NCOA6: variants seen among roughly 807,000 people sequenced by gnomAD.
NCOA6 encodes NRC RAP250.
Under a neutral mutation model 171.4 loss-of-function variants are expected in NCOA6, and 49 were observed. The observed-to-expected ratio is 0.29, with a 90% CI of 0.23 to 0.36. The LOEUF (loss-of-function observed/expected upper bound fraction) is 0.36, where lower values mean the gene tolerates loss of function less well. Ranked by LOEUF, NCOA6 falls within the 10% of genes least tolerant of loss-of-function variation. The pLI, the probability that NCOA6 is intolerant of heterozygous loss-of-function variation, is 1.00. For missense variants in NCOA6, 2,248 were observed against 2,554.5 expected (o/e 0.88, Z 2.59); for synonymous variants, 910 against 927.5 (o/e 0.98, Z 0.34).
chr20:34,753,585 G>T (rs1188740750), intron 8 of NCOA6, among the ~76,000 whole-genome samples: 2 of 151,904 alleles, frequency 1.3e-5, no homozygotes. Context: ...GCTTGAACCT[G>T]GGAGGTGGAG....
At chr20:34,779,508 T>C (rs1172628379) in intron 3 of NCOA6, among the ~76,000 whole-genome samples, 1 of 152,104 alleles carries the variant, frequency 6.6e-6, no homozygotes, top group Non-Finnish European at 1.5e-5. Flanking sequence ...GGTGAGACAC[T>C]GCCTCAAAAA....
At chr20:34,764,926 CA>C (rs1407711122) in intron 5 of NCOA6, among the ~76,000 whole-genome samples, 3 of 151,040 alleles carry the variant, frequency 2.0e-5, no homozygotes, top group African/African-American at 7.3e-5. Context: ...CCAGCCTGGC[CA>C]ACATGGTGAA....
intron 11 of NCOA6, chr20:34,738,768 T>C: frequency 2.4e-6 from 1 of 415,874 alleles, no homozygotes; most frequent in Non-Finnish European, 5.0e-6. Flanking sequence ...GATCTCCATT[T>C]TACAAGTGAA....
At chr20:34,798,399 T>C (rs2078150430) in intron 1 of NCOA6, among the ~76,000 whole-genome samples, 1 of 152,164 alleles carries the variant, frequency 6.6e-6, no homozygotes, top group African/African-American at 2.4e-5. Context: ...CTTGCTGCCC[T>C]GAAGGGAAGG....
intron 14 of NCOA6, among the ~76,000 whole-genome samples, chr20:34,725,476 A>C (rs1010674585): frequency 6.6e-6 from 1 of 152,200 alleles, no homozygotes; most frequent in Non-Finnish European, 1.5e-5. Context: ...TTGTGATCAG[A>C]GGAATGAGGA....
intron 12 of NCOA6, among the ~76,000 whole-genome samples, chr20:34,734,881 C>T (rs1004227020): frequency 6.6e-6 from 1 of 152,126 alleles, no homozygotes; most frequent in African/African-American, 2.4e-5. Flanking sequence ...CTCCCAACCT[C>T]AGGTGATCTG....
intron 1 of NCOA6, among the ~76,000 whole-genome samples, chr20:34,822,678 T>C (rs1433181968): frequency 6.6e-6 from 1 of 152,186 alleles, no homozygotes; most frequent in Non-Finnish European, 1.5e-5. Flanking sequence ...GTATAATGCT[T>C]GATATGCAGT....
chr20:34,743,887 A>C (rs1402829409), intron 10 of NCOA6, among the ~76,000 whole-genome samples: 1 of 152,244 alleles, frequency 6.6e-6, no homozygotes, highest in Non-Finnish European at 1.5e-5. Flanking sequence ...GTAAAATATA[A>C]AATTCTAGGA....
chr20:34,792,391 A>T (rs2077916442), intron 2 of NCOA6, 59 bp downstream of exon 2: 2 of 394,694 alleles, frequency 5.1e-6, no homozygotes, highest in Non-Finnish European at 8.9e-6. Context: ...CAGAAAAAAA[A>T]AAAAAAGAAT....
At chr20:34,766,865 T>C (rs575302046) in intron 5 of NCOA6, among the ~76,000 whole-genome samples, 3 of 152,320 alleles carry the variant, frequency 2.0e-5, no homozygotes, top group Non-Finnish European at 4.4e-5. Context: ...GCTAGGCTTT[T>C]CCCACTCTGC....
Position 34,776,372 on chromosome 20 carries a change from T to C in NCOA6, c.312A>G (p.Ala104=), listed in dbSNP as rs766415878. 3 of 1,614,098 alleles carry C rather than the reference T, an allele frequency of 1.9e-6. No homozygotes were observed. In the East Asian group the frequency reaches 6.7e-5, roughly 36 times the overall value. Residue 104 remains alanine (A), a synonymous_variant, in exon 4 of 15, where the codon GCA becomes GCG. Coordinates refer to ENST00000359003, the MANE Select transcript of NCOA6 (RefSeq NM_014071.5). Reference sequence around the variant, plus strand: ...GAGCAAGGATCCGTAGCCGCTCCGCTGCTTCCCGGGGGATGTTGAATGTCA... The same window carrying C: ...GAGCAAGGATCCGTAGCCGCTCCGCCGCTTCCCGGGGGATGTTGAATGTCA... The part of the protein sequence containing the change: ...VRVTFNIPRE[A]AERLRILAQS...
chr20:34,750,266 G>A lies in NCOA6; in HGVS notation c.1929C>T (p.Asn643=). The change falls in exon 9 of 15, where the codon AAC becomes AAT. Residue 643 remains asparagine, a synonymous_variant. Transcript: ENST00000359003. ...GQMVQQQGTL[N]PQNPMILSRA... is the part of the protein sequence containing the mutation. ...TTGAAAGGATCATAGGGTTCTGAGGGTTCAAGGTTCCTTGTTGCTGGACCA... is the reference window on the plus strand; with the variant it reads ...TTGAAAGGATCATAGGGTTCTGAGGATTCAAGGTTCCTTGTTGCTGGACCA... The A allele has an allele frequency of 6.2e-7, 1 of 1,611,528 alleles. No individual in the cohort carries two copies. Among genetic ancestry groups the A allele is most frequent in the Non-Finnish European group, 8.5e-7 (1 of 1,178,448 alleles).
chr20:34,747,003 C>T (rs1013927400), intron 9 of NCOA6, 75 bp from the exon 10 acceptor site: 1 of 1,323,672 alleles, frequency 7.6e-7, no homozygotes, highest in African/African-American at 1.5e-5. Flanking sequence ...ACTAGCTTAA[C>T]CCTTCCCCTA....
chr20:34,774,465 T>C (rs951574139), intron 4 of NCOA6, among the ~76,000 whole-genome samples: 2 of 152,238 alleles, frequency 1.3e-5, no homozygotes, highest in African/African-American at 2.4e-5. Flanking sequence ...AATCTACATA[T>C]AACCCTTTCT....
chr20:34,723,114 T>C (rs993248538), intron 14 of NCOA6, among the ~76,000 whole-genome samples: 44 of 152,308 alleles, frequency 2.9e-4, no homozygotes, highest in African/African-American at 9.6e-4. Context: ...TGGACCTGGT[T>C]ACGAGGGGTT....
intron 1 of NCOA6, among the ~76,000 whole-genome samples, chr20:34,808,767 T>A (rs1370102497): frequency 6.6e-6 from 1 of 152,160 alleles, no homozygotes; most frequent in Non-Finnish European, 1.5e-5. Flanking sequence ...TCTTGAGATC[T>A]TTTAAAAATT....
chr20:34,722,546 G>A (rs368430773), intron 14 of NCOA6, among the ~76,000 whole-genome samples: 17 of 152,032 alleles, frequency 1.1e-4, no homozygotes, highest in African/African-American at 3.4e-4. Flanking sequence ...CAGGCATGGT[G>A]ATGCACACCT....
At chr20:34,780,767 C>A (rs2077495182) in intron 3 of NCOA6, among the ~76,000 whole-genome samples, 1 of 152,148 alleles carries the variant, frequency 6.6e-6, no homozygotes, top group South Asian at 2.1e-4. Flanking sequence ...GATCCTCCCA[C>A]CTCAGCCTCT....
Position 34,732,581 on chromosome 20 carries a change from C to T in NCOA6, c.5977G>A (p.Ala1993Thr), listed in dbSNP as rs1195252838. Residue 1993 changes from alanine (A) to threonine (T), a missense_variant, in exon 13 of 15, where the codon GCT becomes ACT. By Grantham distance (58) the Ala-to-Thr change is moderately conservative. Coordinates refer to ENST00000359003, the MANE Select transcript of NCOA6 (RefSeq NM_014071.5). ...SVARPELEVN[A>T]AIVSGQSSEP... ...TACCTTTGTCCAGAGACTATGGCAG[C>T]ATTTACCTCCAGCTCTGCAAAAAAA... 1.2e-6 allele frequency: 2 copies of T among 1,613,660 alleles called. No individual in the cohort carries two copies. The highest frequency in any genetic ancestry group is 3.3e-5 in the Admixed American group (2 of 60,006).
Sources: gnomAD v4.1 joint callset for allele counts (sites outside exome capture counted in the v4.1 genomes callset) on GRCh38, gnomAD v4.1.1 for gene constraint, MANE v1.5 for transcripts, NCBI Gene and HGNC (gene_info 2026-07-23, HGNC 2026-07-21) for gene names.